The following PCDHGA12 variants were observed in gnomAD, a reference collection of about 807,000 sequenced individuals.
PCDHGA12 encodes protocadherin gamma-A12.
PCDHGA12 carries 43 observed loss-of-function variants against 61.1 expected under a neutral mutation model. That is an observed-to-expected ratio of 0.70 (90% CI 0.55 to 0.91). The LOEUF is 0.91. PCDHGA12 is among the 40% of genes least tolerant of loss of function. The pLI is 0.00. For missense variants in PCDHGA12, 1,236 were observed against 1,227.7 expected, an observed-to-expected ratio of 1.01 and a Z score of -0.10; for synonymous variants, 520 against 542.9, an observed-to-expected ratio of 0.96 and a Z score of 0.59.
chr5:141,444,152 A>ATTTTTTTTT (rs747671382), intron 1 of PCDHGA12, among the ~76,000 whole-genome samples: 2 of 33,898 alleles, frequency 5.9e-5, no homozygotes, highest in Non-Finnish European at 5.2e-5. Context: ...TGTGTACTGG[A>ATTTTTTTTT]TTTTTTTTTT....
In PCDHGA12 at chr5:141,486,157, A is replaced by C. The variant is rs1562110580; in HGVS notation, c.2425-8650A>C. On this transcript the variant is annotated intron_variant, in intron 1 of 3. Transcript: ENST00000252085. This position sits in a 1 kb window ranked among gnomAD's most constrained non-coding sequence, Gnocchi z 5.0. ...TGCGGGCTCGCGATGGGGGTTCTCC[A>C]GCCATGGAGCAACATTGCAGCCTTC... 10 of 1,614,208 alleles carry C rather than the reference A, an allele frequency of 6.2e-6. No individual in the cohort carries two copies. The highest frequency in any genetic ancestry group is 8.5e-6 in the Non-Finnish European group (10 of 1,180,028).
In PCDHGA12 at chr5:141,487,268, G is replaced by A; in HGVS notation, c.2425-7539G>A. ...CCTCTACTTGGCTGTGTCCCTAGTG[G>A]CAATTTGCTTTGTCTCCTTTGGCTC... On this transcript the variant is annotated intron_variant, in intron 1 of 3. Transcript: ENST00000252085. This position sits in a 1 kb window ranked among gnomAD's most constrained non-coding sequence, Gnocchi z 5.0. 4 of 1,614,100 alleles carry A rather than the reference G, an allele frequency of 2.5e-6. No homozygotes were observed. The South Asian group carries it at 4.4e-5, about 18-fold the overall frequency.
At position 141,489,077 on chromosome 5, in the gene PCDHGA12, C is replaced by T. The variant is rs957205894; in HGVS notation, c.2425-5730C>T. 7 of 325,682 alleles carry T rather than the reference C, an allele frequency of 2.1e-5. 1 individual carries two copies. Among genetic ancestry groups the T allele is most frequent in the South Asian group, 1.5e-4 (3 of 20,214 alleles). 20.2% of individuals were successfully genotyped at this position (325,682 alleles called of 1,614,324 possible). The stretch of plus-strand genomic sequence containing the variant: ...AGCTCCCCTCCCCCCTGCCCACCCC[C>T]GCCACTCGGTGACTAAGAACTGCTG... On this transcript the variant is annotated intron_variant, in intron 1 of 3. Transcript: ENST00000252085. This position sits in a 1 kb window ranked among gnomAD's most constrained non-coding sequence, Gnocchi z 4.5.
Position 141,485,582 on chromosome 5 carries a change from C to G in PCDHGA12, c.2425-9225C>G. The G allele has an allele frequency of 6.2e-7, 1 of 1,612,374 alleles. No individual in the cohort carries two copies. Among genetic ancestry groups the G allele is most frequent in the South Asian group, 1.1e-5 (1 of 90,956 alleles). On this transcript the variant is annotated intron_variant, in intron 1 of 3. Transcript: ENST00000252085. The surrounding 1 kb of genome is among the most constrained non-coding windows in gnomAD (Gnocchi z 5.7). ...TCACGCCCCCCGTTTTCCGCGGCAG[C>G]AGCTGGACTTGGAAATTGGGGAGGC...
At position 141,511,036 on chromosome 5, in the gene PCDHGA12, G is replaced by A. The variant is rs116366286; in HGVS notation, c.2662G>A (p.Val888Met). ...CGGACCCCAGTTCACCCTGCAGCAC[G>A]TGCCCGACTACCGCCAGAATGTCTA... is the stretch of plus-strand genomic sequence containing the variant. ...RYGPQFTLQH[V>M]PDYRQNVYIP... is the part of the protein sequence containing the mutation. Residue 888 changes from valine to methionine, a missense_variant, in exon 4 of 4, where the codon GTG becomes ATG. Physicochemically the swap from Val to Met is conservative, Grantham distance 21. Transcript: ENST00000252085. 5.5e-5 allele frequency: 89 copies of A among 1,614,198 alleles called. No individual in the cohort carries two copies. The highest frequency in any genetic ancestry group is 1.6e-4 in the Middle Eastern group (1 of 6,062).
chr5:141,494,400 C>A (rs2099754045), intron 1 of PCDHGA12, among the ~76,000 whole-genome samples: 1 of 152,158 alleles, frequency 6.6e-6, no homozygotes, highest in African/African-American at 2.4e-5. Flanking sequence ...TAAATTCATT[C>A]TAGGGCTGGT....
rs750033444 is a variant in PCDHGA12 at position 141,432,950 on chromosome 5, G to C, written c.2191G>C (p.Gly731Arg). 1.2e-6 allele frequency: 2 copies of C among 1,614,190 alleles called. No homozygotes were observed. The highest frequency in any genetic ancestry group is 1.7e-6 in the Non-Finnish European group (2 of 1,180,032). ...ACGCCTGCTGCAGGCTTCAGGAGGC[G>C]GCTTGACAGGAGCGCCGGCGTCGCA... ...KSRLLQASGGGLTGAPASHFV... is the reference protein window; with the variant it reads ...KSRLLQASGGRLTGAPASHFV... The change falls in exon 1 of 4, where the codon GGC (glycine) becomes CGC (arginine). Residue 731 changes from glycine (G) to arginine (R), a missense_variant. Transcript: ENST00000252085. The surrounding 1 kb of genome is among the most constrained non-coding windows in gnomAD (Gnocchi z 6.0).
chr5:141,486,405 G>A lies in PCDHGA12; in HGVS notation c.2425-8402G>A. 6.2e-7 allele frequency: 1 copy of A among 1,614,114 alleles called. No homozygotes were observed. The highest frequency in any genetic ancestry group is 2.2e-5 in the East Asian group (1 of 44,862). On this transcript the variant is annotated intron_variant, in intron 1 of 3. Transcript: ENST00000252085. The surrounding 1 kb of genome is among the most constrained non-coding windows in gnomAD (Gnocchi z 5.0). ...AACCAGTTCTCCCTGGTGACTGCTG[G>A]ACCCTTGGATCGAGAGGCCAAATCT...
intron 1 of PCDHGA12, chr5:141,478,712 G>A (rs1160573848): frequency 3.2e-6 from 5 of 1,547,048 alleles, no homozygotes; most frequent in Non-Finnish European, 4.4e-6. Flanking sequence ...TTTGTGAGAT[G>A]GTGGCCTGCC....
chr5:141,481,934 AAT>A (rs1245984926), intron 1 of PCDHGA12, among the ~76,000 whole-genome samples: 5 of 147,494 alleles, frequency 3.4e-5, no homozygotes, highest in Admixed American at 3.4e-4. Flanking sequence ...AAAAAAAAAA[AAT>A]CAGCCAGATG....
chr5:141,486,869 C>G lies in PCDHGA12; in HGVS notation c.2425-7938C>G. On this transcript the variant is annotated intron_variant, in intron 1 of 3. Transcript: ENST00000252085. This position sits in a 1 kb window ranked among gnomAD's most constrained non-coding sequence, Gnocchi z 5.0. ...CCTCAATGACAATGCTCCAGCTGTG[C>G]TCCGTCCTCGGGCCCGGCCTGGTTC... The G allele has an allele frequency of 6.2e-7, 1 of 1,614,246 alleles. No homozygotes were observed. The highest frequency in any genetic ancestry group is 8.5e-7 in the Non-Finnish European group (1 of 1,180,042).
Position 141,491,300 on chromosome 5 carries a change from G to A in PCDHGA12, c.2425-3507G>A, listed in dbSNP as rs2099710472. On this transcript the variant is annotated intron_variant, in intron 1 of 3. Coordinates refer to ENST00000252085, the MANE Select transcript of PCDHGA12 (RefSeq NM_003735.3). This position sits in a 1 kb window ranked among gnomAD's most constrained non-coding sequence, Gnocchi z 6.9. ...GACTTCCTCATACACCCTCCTGAGC[G>A]TTCAGACCTTACCCTTTACCTCATT... 1 of 1,614,136 alleles carries A rather than the reference G, an allele frequency of 6.2e-7. No homozygotes were observed. The highest frequency in any genetic ancestry group is 1.1e-5 in the South Asian group (1 of 91,086).
chr5:141,439,676 G>A (rs543598257), intron 1 of PCDHGA12, among the ~76,000 whole-genome samples: 27 of 152,292 alleles, frequency 1.8e-4, no homozygotes, highest in Admixed American at 1.0e-3. Flanking sequence ...GCAAATCCAA[G>A]AGCAGACCCA....
intron 1 of PCDHGA12, among the ~76,000 whole-genome samples, chr5:141,450,005 TC>T (rs2098662434): frequency 1.0e-5 from 1 of 99,604 alleles, no homozygotes; most frequent in Non-Finnish European, 1.8e-5. Flanking sequence ...TTGCCATGTC[TC>T]TTTTTTTTTT....
At chr5:141,458,907 A>AT (rs759653270) in intron 1 of PCDHGA12, among the ~76,000 whole-genome samples, 1 of 151,752 alleles carries the variant, frequency 6.6e-6, no homozygotes, top group Non-Finnish European at 1.5e-5. Context: ...AATTTTTTCT[A>AT]TTTTTTGTGG....
chr5:141,457,233 T>G (rs1038193595), intron 1 of PCDHGA12, among the ~76,000 whole-genome samples: 9 of 152,208 alleles, frequency 5.9e-5, no homozygotes, highest in African/African-American at 2.2e-4. Flanking sequence ...AATTTCCATC[T>G]AAAATTTTAC....
chr5:141,464,640 C>T (rs1482089475), intron 1 of PCDHGA12, among the ~76,000 whole-genome samples: 2 of 151,952 alleles, frequency 1.3e-5, no homozygotes, highest in Admixed American at 6.6e-5. Context: ...TTGTTGCCAA[C>T]CTGATGGGTA....
chr5:141,474,056 C>T (rs576482294), intron 1 of PCDHGA12, among the ~76,000 whole-genome samples: 37 of 152,136 alleles, frequency 2.4e-4, no homozygotes, highest in Non-Finnish European at 4.9e-4. Flanking sequence ...GATGACAGAG[C>T]GAGATCCTGC....
At chr5:141,495,164 C>T (rs1326419591) in intron 2 of PCDHGA12, among the ~76,000 whole-genome samples, 4 of 152,198 alleles carry the variant, frequency 2.6e-5, no homozygotes, top group Admixed American at 1.3e-4. Context: ...AAGCTGGTCT[C>T]TGGGTGAAAG....
Sources: gnomAD v4.1 joint callset for allele counts (sites outside exome capture counted in the v4.1 genomes callset) on GRCh38, gnomAD v4.1.1 for gene constraint, Gnocchi (gnomAD v3.1) non-coding constraint, MANE v1.5 for transcripts, NCBI Gene and HGNC (gene_info 2026-07-23, HGNC 2026-07-21) for gene names.